Variants in XRCC4 observed in about 807,000 individuals in gnomAD.
The protein encoded by XRCC4 is DNA repair protein XRCC4.
A neutral mutation model predicts 39.1 loss-of-function variants in XRCC4; 28 were observed. The observed-to-expected ratio is 0.72, with a 90% CI of 0.53 to 0.98. The LOEUF is 0.98. Among genes scored for constraint, XRCC4 ranks in the 50% least tolerant of loss-of-function variants. The pLI is 0.00. For missense variants in XRCC4, 350 were observed against 376.4 expected, an observed-to-expected ratio of 0.93 and a Z score of 0.58; for synonymous variants, 123 against 126.4, an observed-to-expected ratio of 0.97 and a Z score of 0.18.
intron 7 of XRCC4, among the ~76,000 whole-genome samples, chr5:83,264,974 G>C (rs373604195): frequency 7.1e-4 from 108 of 152,112 alleles, no homozygotes; most frequent in African/African-American, 2.5e-3. Flanking sequence ...TGAGTTTTTT[G>C]TTGTTGTTGT....
intron 1 of XRCC4, among the ~76,000 whole-genome samples, chr5:83,095,290 C>T (rs1286340760): frequency 6.6e-6 from 1 of 152,140 alleles, no homozygotes; most frequent in African/African-American, 2.4e-5. Context: ...CAGAAATTTC[C>T]TCTGATCAGC....
At chr5:83,235,551 G>A (rs1222224320) in intron 6 of XRCC4, among the ~76,000 whole-genome samples, 2 of 151,912 alleles carry the variant, frequency 1.3e-5, no homozygotes. Context: ...ACTAGGTATA[G>A]AAGGAATATA....
intron 6 of XRCC4, among the ~76,000 whole-genome samples, chr5:83,234,263 C>A (rs1330784484): frequency 1.3e-5 from 2 of 152,144 alleles, no homozygotes; most frequent in African/African-American, 4.8e-5. Flanking sequence ...CCACCTATTG[C>A]CATCCGAATA....
chr5:83,279,535 C>T (rs1211410583), intron 7 of XRCC4, among the ~76,000 whole-genome samples: 2 of 151,924 alleles, frequency 1.3e-5, no homozygotes, highest in Non-Finnish European at 1.5e-5. Flanking sequence ...TTTGGCAGGC[C>T]CTATCACAAT....
intron 3 of XRCC4, among the ~76,000 whole-genome samples, chr5:83,130,152 A>T (rs1362749233): frequency 6.6e-6 from 1 of 152,056 alleles, no homozygotes; most frequent in Non-Finnish European, 1.5e-5. Flanking sequence ...ATCAATACCT[A>T]ATTTATTGAG....
intron 3 of XRCC4, among the ~76,000 whole-genome samples, chr5:83,168,030 A>G (rs1749561649): frequency 6.6e-6 from 1 of 152,194 alleles, no homozygotes; most frequent in African/African-American, 2.4e-5. Flanking sequence ...ATAAACGCAG[A>G]AAATAGGAAA....
intron 6 of XRCC4, among the ~76,000 whole-genome samples, chr5:83,242,868 C>G: frequency 6.6e-6 from 1 of 152,112 alleles, no homozygotes; most frequent in Non-Finnish European, 1.5e-5. Flanking sequence ...AGGTAGGTTC[C>G]ATTTTTATCC....
intron 7 of XRCC4, among the ~76,000 whole-genome samples, chr5:83,337,296 C>G (rs1756623369): frequency 6.6e-6 from 1 of 152,084 alleles, no homozygotes; most frequent in Admixed American, 6.6e-5. Flanking sequence ...CAAAGATGTC[C>G]ACAATTAAGT....
chr5:83,213,010 A>G (rs1273778773), intron 6 of XRCC4, among the ~76,000 whole-genome samples: 1 of 151,716 alleles, frequency 6.6e-6, no homozygotes, highest in Non-Finnish European at 1.5e-5. Context: ...TTTGAAATCC[A>G]TAGAGGGAGA....
intron 3 of XRCC4, among the ~76,000 whole-genome samples, chr5:83,180,388 A>C (rs1460231458): frequency 6.6e-6 from 1 of 152,148 alleles, no homozygotes. Context: ...AGGAAATCCA[A>C]ATATATGAAA....
chr5:83,134,784 CT>C (rs1747803462), intron 3 of XRCC4, among the ~76,000 whole-genome samples: 1 of 152,138 alleles, frequency 6.6e-6, no homozygotes, highest in African/African-American at 2.4e-5. Context: ...CCTTTATGAG[CT>C]GTAACACTCA....
At chr5:83,155,009 T>G (rs766533047) in intron 3 of XRCC4, among the ~76,000 whole-genome samples, 7 of 152,206 alleles carry the variant, frequency 4.6e-5, no homozygotes, top group Non-Finnish European at 7.3e-5. Context: ...TGTTTTTACC[T>G]TGTCTGGAAA....
rs1225850304 is a variant in XRCC4 at position 83,309,296 on chromosome 5, A to AATATAT, written c.894-43815_894-43810dup. On this transcript the variant is annotated intron_variant, in intron 7 of 7. Coordinates refer to ENST00000396027, the MANE Select transcript of XRCC4 (RefSeq NM_003401.5). ...AAAAAAAAAAAAAAAAAAAAAAAAA[A>AATATAT]ATATATATATATATATATATATATA... Among the ~76,000 whole-genome samples, 220 of 72,224 alleles carry AATATAT rather than the reference A, an allele frequency of 3.0e-3. 6 individuals are homozygous for AATATAT. Among genetic ancestry groups the AATATAT allele is most frequent in the African/African-American group, 0.016 (186 of 11,744 alleles). 47.4% of individuals were successfully genotyped at this position (72,224 alleles called of 152,430 possible).
At chr5:83,173,917 A>C (rs116535237) in intron 3 of XRCC4, among the ~76,000 whole-genome samples, 26 of 152,268 alleles carry the variant, frequency 1.7e-4, no homozygotes, top group Non-Finnish European at 2.9e-4. Context: ...CTTTATACTC[A>C]GTCTTTCTGT....
intron 3 of XRCC4, among the ~76,000 whole-genome samples, chr5:83,164,815 TGA>T (rs1284183667): frequency 1.3e-5 from 2 of 152,118 alleles, no homozygotes; most frequent in Non-Finnish European, 2.9e-5. Context: ...GGTACATCTG[TGA>T]ATCACACTGA....
intron 7 of XRCC4, among the ~76,000 whole-genome samples, chr5:83,278,714 A>C (rs914579078): frequency 6.6e-6 from 1 of 152,098 alleles, no homozygotes; most frequent in South Asian, 2.1e-4. Flanking sequence ...GGCCAGGCGC[A>C]GTGGCTCATA....
intron 7 of XRCC4, among the ~76,000 whole-genome samples, chr5:83,299,884 T>C (rs1329031715): frequency 2.6e-5 from 4 of 152,206 alleles, no homozygotes; most frequent in Admixed American, 2.6e-4. Context: ...CACCAACTTT[T>C]GTTGCTTTTG....
chr5:83,234,432 T>C (rs1752611915), intron 6 of XRCC4, among the ~76,000 whole-genome samples: 1 of 152,182 alleles, frequency 6.6e-6, no homozygotes, highest in Non-Finnish European at 1.5e-5. Context: ...GGTCTCACTA[T>C]GTTGCCCAGG....
chr5:83,158,974 G>A (rs1749083407), intron 3 of XRCC4, among the ~76,000 whole-genome samples: 1 of 152,086 alleles, frequency 6.6e-6, no homozygotes, highest in African/African-American at 2.4e-5. Flanking sequence ...GTCACTAACA[G>A]CCCCAGCTAT....
Sources: gnomAD v4.1 joint callset for allele counts (sites outside exome capture counted in the v4.1 genomes callset) on GRCh38, gnomAD v4.1.1 for gene constraint, MANE v1.5 for transcripts, NCBI Gene and HGNC (gene_info 2026-07-23, HGNC 2026-07-21) for gene names.